SETBP1: variants seen among roughly 807,000 people sequenced by gnomAD.
SETBP1 encodes the protein SET binding protein 1.
SETBP1 carries 9 observed loss-of-function variants against 101.0 expected under a neutral mutation model. The observed-to-expected ratio is 0.09, with a 90% confidence interval of 0.05 to 0.16. The LOEUF (loss-of-function observed/expected upper bound fraction) is 0.16, where lower values mean the gene tolerates loss of function less well. Among genes scored for constraint, SETBP1 ranks in the 10% least tolerant of loss-of-function variants. SETBP1 has a pLI of 1.00. For missense variants in SETBP1, 1,858 were observed against 2,033.8 expected (o/e 0.91, Z 1.66); for synonymous variants, 818 against 788.5 (o/e 1.04, Z -0.63).
rs199948979 is a variant in SETBP1 at position 44,949,871 on chromosome 18, C to T, written c.541-10C>T. On this transcript the variant is annotated splice_polypyrimidine_tract_variant and intron_variant, in intron 3 of 5. Transcript: ENST00000649279. ...CTGTCTCTCTCCCTCTCCACTCCAC[C>T]CACCCTTAGGCTTACGAGAGGCCCC... The T allele has an allele frequency of 2.5e-5, 40 of 1,607,382 alleles. No individual in the cohort carries two copies. In the East Asian group the frequency reaches 4.0e-4, roughly 16 times the overall value.
At chr18:44,793,004 C>T (rs2071399235) in intron 2 of SETBP1, among the ~76,000 whole-genome samples, 2 of 152,186 alleles carry the variant, frequency 1.3e-5, no homozygotes, top group African/African-American at 4.8e-5. Context: ...CTGTTGGATT[C>T]TCCTTCTGGT....
In SETBP1 at chr18:45,063,779, C is replaced by T. The variant is rs996546758; in HGVS notation, c.*81C>T. On this transcript the variant is annotated 3_prime_UTR_variant, in exon 6 of 6. Coordinates refer to ENST00000649279, the MANE Select transcript of SETBP1 (RefSeq NM_015559.3). Reference sequence around the variant, plus strand: ...GTGAGCCGGGGCGGGGGCGGAATCCCCCGCTGCAGGGACACCCACGCCCTT... The same window carrying T: ...GTGAGCCGGGGCGGGGGCGGAATCCTCCGCTGCAGGGACACCCACGCCCTT... The T allele has an allele frequency of 4.1e-5, 61 of 1,474,200 alleles. 1 individual carries two copies. The Admixed American group carries it at 1.1e-3, about 28-fold the overall frequency. 91.3% of individuals were successfully genotyped at this position (1,474,200 alleles called of 1,614,324 possible).
intron 2 of SETBP1, among the ~76,000 whole-genome samples, chr18:44,741,455 T>C (rs1268582114): frequency 6.6e-6 from 1 of 152,176 alleles, no homozygotes; most frequent in Admixed American, 6.5e-5. Context: ...GCCTGTGCCA[T>C]CGGGACCCCT....
In SETBP1 at chr18:44,814,986, A is replaced by G. The variant is rs566141845; in HGVS notation, c.487-54244A>G. On this transcript the variant is annotated intron_variant, in intron 2 of 5. Transcript: ENST00000649279. Reference sequence around the variant, plus strand: ...ACATTGGCTATGTAGCCTCCCTCTAATATCATAAGCATATTGTTGGGCAGG... The same window carrying G: ...ACATTGGCTATGTAGCCTCCCTCTAGTATCATAAGCATATTGTTGGGCAGG... Among the ~76,000 whole-genome samples the G allele has an allele frequency of 2.6e-5, 4 of 151,228 alleles. No individual in the cohort carries two copies. In the South Asian group the frequency reaches 8.4e-4, roughly 32 times the overall value.
intron 3 of SETBP1, among the ~76,000 whole-genome samples, chr18:44,934,587 G>A (rs991663527): frequency 2.6e-5 from 4 of 152,148 alleles, no homozygotes; most frequent in African/African-American, 9.7e-5. Flanking sequence ...CACTGTGTAG[G>A]AAACTCTAGT....
intron 5 of SETBP1, among the ~76,000 whole-genome samples, chr18:45,046,537 A>T (rs2073615240): frequency 2.0e-5 from 3 of 152,234 alleles, no homozygotes; most frequent in Admixed American, 2.0e-4. Flanking sequence ...TTGCACTACC[A>T]AAGTGTGTAT....
intron 1 of SETBP1, among the ~76,000 whole-genome samples, chr18:44,685,746 T>A (rs994288935): frequency 6.6e-6 from 1 of 152,212 alleles, no homozygotes; most frequent in Non-Finnish European, 1.5e-5. Context: ...CTGGGATTAT[T>A]GTTGCCATAG....
chr18:44,736,983 A>G (rs1460248801), intron 2 of SETBP1, among the ~76,000 whole-genome samples: 5 of 152,082 alleles, frequency 3.3e-5, no homozygotes, highest in African/African-American at 1.2e-4. Context: ...TTTTTTCCTC[A>G]GTATATCTCC....
intron 2 of SETBP1, among the ~76,000 whole-genome samples, chr18:44,762,427 T>C (rs1288954600): frequency 1.3e-5 from 2 of 152,236 alleles, no homozygotes; most frequent in Non-Finnish European, 2.9e-5. Context: ...GAGGTATTTG[T>C]CCATTCTTTT....
intron 1 of SETBP1, among the ~76,000 whole-genome samples, chr18:44,695,118 A>T (rs1039079969): frequency 6.6e-6 from 1 of 152,218 alleles, no homozygotes; most frequent in Non-Finnish European, 1.5e-5. Context: ...AGATTGGGGT[A>T]TGCTCTCCCA....
intron 2 of SETBP1, among the ~76,000 whole-genome samples, chr18:44,742,278 C>G (rs2070116279): frequency 6.6e-6 from 1 of 152,222 alleles, no homozygotes; most frequent in African/African-American, 2.4e-5. Context: ...GCACCCCGGT[C>G]TCCTGACTTT....
intron 3 of SETBP1, among the ~76,000 whole-genome samples, chr18:44,924,175 G>T (rs888572210): frequency 2.6e-5 from 4 of 152,158 alleles, no homozygotes; most frequent in African/African-American, 9.7e-5. Flanking sequence ...CACTAAGAGG[G>T]CAACTGCCAT....
Position 44,951,053 on chromosome 18 carries a change from C to T in SETBP1, c.1713C>T (p.Tyr571=), listed in dbSNP as rs1159969230. The change falls in exon 4 of 6, where the codon TAC becomes TAT. Residue 571 remains tyrosine, a synonymous_variant. Transcript: ENST00000649279. This position sits in a 1 kb window ranked among gnomAD's most constrained non-coding sequence, Gnocchi z 7.8. ...AYPITPSSPL[Y]TNTDSLTVIT... is the part of the protein sequence containing the mutation. ...CCATCACCCCATCCAGCCCTCTCTA[C>T]ACCAACACAGACAGTCTTACTGTGA... The T allele has an allele frequency of 2.5e-6, 4 of 1,614,014 alleles. No homozygotes were observed. The highest frequency in any genetic ancestry group is 2.5e-6 in the Non-Finnish European group (3 of 1,180,038).
chr18:44,683,159 T>C (rs2068787340), intron 1 of SETBP1, among the ~76,000 whole-genome samples: 1 of 152,186 alleles, frequency 6.6e-6, no homozygotes, highest in Admixed American at 6.5e-5. Context: ...GGGCTGTAAT[T>C]TGATCTTTTG....
At chr18:44,727,340 G>T (rs933230710) in intron 2 of SETBP1, among the ~76,000 whole-genome samples, 1 of 152,142 alleles carries the variant, frequency 6.6e-6, no homozygotes, top group African/African-American at 2.4e-5. Flanking sequence ...TTGAGGCAGG[G>T]CCTTCCTTCT....
At chr18:44,993,449 A>G (rs529710984) in intron 4 of SETBP1, among the ~76,000 whole-genome samples, 1 of 152,192 alleles carries the variant, frequency 6.6e-6, no homozygotes, top group Non-Finnish European at 1.5e-5. Flanking sequence ...AAAGTATAAG[A>G]CTAAAAGTGA....
Position 45,063,153 on chromosome 18 carries a change from A to G in SETBP1, c.4246A>G (p.Asn1416Asp), listed in dbSNP as rs1440664202. The G allele has an allele frequency of 6.2e-7, 1 of 1,614,016 alleles. No homozygotes were observed. Residue 1416 changes from asparagine (N) to aspartate (D), a missense_variant, in exon 6 of 6, where the codon AAC becomes GAC. By Grantham distance (23) the Asn-to-Asp change is conservative. Coordinates refer to ENST00000649279, the MANE Select transcript of SETBP1 (RefSeq NM_015559.3). ...AIQCEVRKMC[N>D]YTKILSTKKN... ...CCAGTGCGAAGTGCGGAAGATGTGCAACTACACCAAGATCCTGTCCACCAA... is the reference window on the plus strand; with the variant it reads ...CCAGTGCGAAGTGCGGAAGATGTGCGACTACACCAAGATCCTGTCCACCAA...
intron 2 of SETBP1, among the ~76,000 whole-genome samples, chr18:44,829,630 A>G (rs1042498004): frequency 3.9e-5 from 6 of 152,200 alleles, no homozygotes; most frequent in African/African-American, 1.2e-4. Flanking sequence ...TTGCTCATAA[A>G]AAATGTGGGA....
chr18:44,692,165 G>A (rs1294954992), intron 1 of SETBP1, among the ~76,000 whole-genome samples: 1 of 152,178 alleles, frequency 6.6e-6, no homozygotes. Context: ...AAGAGAGGGT[G>A]GCACTTAGTC....
Sources: allele counts gnomAD v4.1 joint callset (sites outside exome capture counted in the v4.1 genomes callset), GRCh38; gene constraint gnomAD v4.1.1; non-coding constraint Gnocchi (gnomAD v3.1); transcripts MANE v1.5; gene names NCBI Gene and HGNC (gene_info 2026-07-23, HGNC 2026-07-21).